GPM6A: variants seen among roughly 807,000 people sequenced by gnomAD.
GPM6A encodes the protein glycoprotein M6A, also known as neuronal membrane glycoprotein M6-a.
GPM6A carries 7 observed loss-of-function variants against 32.1 expected under a neutral mutation model. The observed-to-expected ratio is 0.22, with a 90% CI of 0.12 to 0.41. GPM6A has a LOEUF of 0.41. Among genes scored for constraint, GPM6A ranks in the 10% least tolerant of loss-of-function variants. GPM6A has a pLI of 1.00. For missense variants in GPM6A, 235 were observed against 347.2 expected (o/e 0.68, Z 2.57); for synonymous variants, 130 against 123.4 (o/e 1.05, Z -0.35).
chr4:175,949,667 A>G (rs1739736734), intron 1 of GPM6A, among the ~76,000 whole-genome samples: 1 of 152,114 alleles, frequency 6.6e-6, no homozygotes, highest in Non-Finnish European at 1.5e-5. Flanking sequence ...ATTCCTTCAA[A>G]TCAGTAAATA....
At chr4:175,881,289 G>A (rs1374539361) in intron 1 of GPM6A, among the ~76,000 whole-genome samples, 3 of 152,090 alleles carry the variant, frequency 2.0e-5, no homozygotes, top group African/African-American at 7.2e-5. Flanking sequence ...CAAAACCACA[G>A]TGAGATATCA....
intron 1 of GPM6A, among the ~76,000 whole-genome samples, chr4:175,771,300 C>T (rs1257960951): frequency 6.6e-6 from 1 of 152,104 alleles, no homozygotes; most frequent in African/African-American, 2.4e-5. Flanking sequence ...TGGCCAGGCG[C>T]GGTGGCTGTT....
intron 1 of GPM6A, among the ~76,000 whole-genome samples, chr4:175,931,671 TACACACACACACAC>T (rs376901123): frequency 8.8e-5 from 12 of 136,534 alleles, no homozygotes; most frequent in African/African-American, 2.9e-4. Context: ...TTAAAAAATA[TACACACACACACAC>T]ACACACACAC....
At position 175,928,315 on chromosome 4, in the gene GPM6A, T is replaced by C. The variant is rs937492969; in HGVS notation, c.-23+73994A>G. On this transcript the variant is annotated intron_variant, in intron 1 of 7. Coordinates refer to the GPM6A transcript ENST00000280187. ...TAAATGGAATGAAATATTACAGTTT[T>C]AAAGGCATTAGTCTGGAAAATTTCC... is the stretch of plus-strand genomic sequence containing the variant. Among the ~76,000 whole-genome samples the C allele has an allele frequency of 6.6e-5, 10 of 152,336 alleles. 1 individual carries two copies. In the South Asian group the frequency reaches 2.1e-3, roughly 32 times the overall value.
chr4:175,690,156 C>T (rs943676661), intron 2 of GPM6A, among the ~76,000 whole-genome samples: 122 of 152,182 alleles, frequency 8.0e-4, no homozygotes, highest in African/African-American at 2.9e-3. Flanking sequence ...CTGGGACATA[C>T]CAGTCCACCA....
chr4:175,753,444 A>G (rs1030342238), intron 1 of GPM6A, among the ~76,000 whole-genome samples: 1 of 152,172 alleles, frequency 6.6e-6, no homozygotes, highest in East Asian at 1.9e-4. Context: ...ACTGCAGATA[A>G]TGATGTTTTA....
At chr4:175,914,660 G>C (rs1229600957) in intron 1 of GPM6A, among the ~76,000 whole-genome samples, 1 of 152,106 alleles carries the variant, frequency 6.6e-6, no homozygotes, top group African/African-American at 2.4e-5. Context: ...GTAAACATAA[G>C]GTAAAGAAAG....
At chr4:175,877,225 G>T (rs746588035) in intron 1 of GPM6A, among the ~76,000 whole-genome samples, 22 of 152,112 alleles carry the variant, frequency 1.4e-4, no homozygotes, top group Non-Finnish European at 2.4e-4. Context: ...ATGAAGTTTT[G>T]TCCCTGCCTC....
chr4:175,685,707 G>A (rs769753468), intron 2 of GPM6A, among the ~76,000 whole-genome samples: 4 of 152,180 alleles, frequency 2.6e-5, no homozygotes, highest in African/African-American at 4.8e-5. Flanking sequence ...AGAAGAGGAG[G>A]AGAATGAAAA....
At chr4:175,751,642 T>C (rs1252633876) in intron 1 of GPM6A, among the ~76,000 whole-genome samples, 1 of 152,112 alleles carries the variant, frequency 6.6e-6, no homozygotes, top group African/African-American at 2.4e-5. Context: ...CTGTGCAAAC[T>C]ATATGACAGA....
At chr4:175,674,650 C>A (rs576583247) in intron 2 of GPM6A, among the ~76,000 whole-genome samples, 1 of 152,142 alleles carries the variant, frequency 6.6e-6, no homozygotes, top group Non-Finnish European at 1.5e-5. Context: ...CATATTTTTA[C>A]GTTACAGATA....
intron 1 of GPM6A, among the ~76,000 whole-genome samples, chr4:175,834,651 A>G (rs1305849125): frequency 6.6e-6 from 1 of 152,204 alleles, no homozygotes; most frequent in Non-Finnish European, 1.5e-5. Context: ...ATTTAAAAAA[A>G]AAACAACTGT....
chr4:175,947,002 ATG>A (rs1426932503), intron 1 of GPM6A, among the ~76,000 whole-genome samples: 4 of 152,208 alleles, frequency 2.6e-5, no homozygotes, highest in Non-Finnish European at 4.4e-5. Flanking sequence ...GCATTTGAAA[ATG>A]CTTCATTTAT....
intron 1 of GPM6A, among the ~76,000 whole-genome samples, chr4:175,869,909 T>A (rs572638318): frequency 7.2e-4 from 109 of 152,356 alleles, no homozygotes; most frequent in African/African-American, 2.5e-3. Flanking sequence ...TACCTCCATT[T>A]ACAAGTGAGG....
At chr4:175,714,770 G>GT (rs985662317) in intron 1 of GPM6A, among the ~76,000 whole-genome samples, 127 of 146,644 alleles carry the variant, frequency 8.7e-4, no homozygotes, top group South Asian at 1.1e-3. Context: ...CATTCAGACC[G>GT]TTTTTTTTTA....
At chr4:175,938,492 T>C (rs1256241800) in intron 1 of GPM6A, among the ~76,000 whole-genome samples, 1 of 152,202 alleles carries the variant, frequency 6.6e-6, no homozygotes. Flanking sequence ...TTTGCATTTC[T>C]CTAATGACCA....
At chr4:175,977,061 G>T (rs1740684470) in intron 1 of GPM6A, among the ~76,000 whole-genome samples, 3 of 152,034 alleles carry the variant, frequency 2.0e-5, no homozygotes, top group Admixed American at 1.3e-4. Context: ...TTCAAATAAG[G>T]TCAAAACATT....
intron 1 of GPM6A, among the ~76,000 whole-genome samples, chr4:175,831,506 T>C (rs1735609387): frequency 6.6e-6 from 1 of 152,062 alleles, no homozygotes; most frequent in African/African-American, 2.4e-5. Flanking sequence ...TTTAAAATAC[T>C]CCATTGATGG....
chr4:175,730,344 G>A (rs889451861), intron 1 of GPM6A, among the ~76,000 whole-genome samples: 3 of 152,042 alleles, frequency 2.0e-5, no homozygotes, highest in African/African-American at 4.8e-5. Context: ...CCGGGTTCAA[G>A]CAATTCGCCT....
Sources: gnomAD v4.1 joint callset for allele counts (sites outside exome capture counted in the v4.1 genomes callset) on GRCh38, gnomAD v4.1.1 for gene constraint, MANE v1.5 for transcripts, NCBI Gene and HGNC (gene_info 2026-07-23, HGNC 2026-07-21) for gene names.